Variants in EPB41L5 observed in about 807,000 individuals in gnomAD.
EPB41L5 encodes the protein erythrocyte membrane protein band 4.1 like 5, also known as band 4.1-like protein 5.
Under a neutral mutation model 106.6 loss-of-function variants are expected in EPB41L5, and 55 were observed. The observed-to-expected ratio is 0.52, with a 90% CI of 0.42 to 0.65. The LOEUF (loss-of-function observed/expected upper bound fraction) is 0.65, where lower values mean the gene tolerates loss of function less well. EPB41L5 is among the 30% of genes least tolerant of loss of function. The probability of loss-of-function intolerance (pLI) is 0.00; values close to 1 mark genes in which losing one functional copy is unlikely to be tolerated. For synonymous variants in EPB41L5, 297 were observed against 306.7 expected (o/e 0.97, Z 0.33); for missense variants, 871 against 882.1 (o/e 0.99, Z 0.16).
At chr2:120,121,640 G>A (rs1685219353) in intron 16 of EPB41L5, among the ~76,000 whole-genome samples, 1 of 152,150 alleles carries the variant, frequency 6.6e-6, no homozygotes, top group African/African-American at 2.4e-5. Flanking sequence ...TTGCTATTGC[G>A]ATTAGTGCCA....
At chr2:120,032,721 A>G (rs1458500505) in intron 2 of EPB41L5, among the ~76,000 whole-genome samples, 8 of 152,210 alleles carry the variant, frequency 5.3e-5, no homozygotes, top group East Asian at 3.8e-4. Flanking sequence ...GGTTTTGAAT[A>G]TAGAATCTTC....
chr2:120,117,540 C>T (rs1440577766), intron 16 of EPB41L5, among the ~76,000 whole-genome samples: 1 of 152,144 alleles, frequency 6.6e-6, no homozygotes, highest in Non-Finnish European at 1.5e-5. Flanking sequence ...TATGAGAGTG[C>T]TTCTACCTCT....
chr2:120,037,625 T>C (rs1558813704), intron 2 of EPB41L5, among the ~76,000 whole-genome samples: 1 of 151,612 alleles, frequency 6.6e-6, no homozygotes, highest in Non-Finnish European at 1.5e-5. Context: ...AAGACCAGGC[T>C]GAGCAACATA....
intron 3 of EPB41L5, among the ~76,000 whole-genome samples, chr2:120,044,885 A>G (rs111722820): frequency 6.6e-6 from 1 of 152,182 alleles, no homozygotes; most frequent in African/African-American, 2.4e-5. Flanking sequence ...AACACTCTAA[A>G]CTATGAGTTG....
intron 2 of EPB41L5, among the ~76,000 whole-genome samples, chr2:120,036,448 A>T (rs534934895): frequency 6.6e-6 from 1 of 152,302 alleles, no homozygotes; most frequent in South Asian, 2.1e-4. Flanking sequence ...TTCTCTTGTT[A>T]CACATAATCT....
At chr2:120,155,226 G>A (rs1686850597) in intron 20 of EPB41L5, among the ~76,000 whole-genome samples, 1 of 152,084 alleles carries the variant, frequency 6.6e-6, no homozygotes, top group Non-Finnish European at 1.5e-5. Context: ...GTTTATCTGA[G>A]AATGTCTTAA....
At chr2:120,112,845 T>C (rs542916279) in intron 16 of EPB41L5, among the ~76,000 whole-genome samples, 2 of 152,248 alleles carry the variant, frequency 1.3e-5, no homozygotes, top group Admixed American at 6.5e-5. Context: ...ATTTAATCCT[T>C]ATGAGGATCT....
intron 19 of EPB41L5, 71 bp downstream of exon 19, chr2:120,143,202 A>C (rs1281756278): frequency 2.2e-6 from 3 of 1,383,180 alleles, no homozygotes; most frequent in Non-Finnish European, 2.9e-6. Flanking sequence ...GCCTTCCCCA[A>C]CTCTAAATTC....
intron 18 of EPB41L5, among the ~76,000 whole-genome samples, chr2:120,132,634 A>C (rs1221354704): frequency 6.6e-6 from 1 of 152,164 alleles, no homozygotes; most frequent in Non-Finnish European, 1.5e-5. Flanking sequence ...AAGGTGATTC[A>C]ATTTCAGAAA....
intron 16 of EPB41L5, among the ~76,000 whole-genome samples, chr2:120,125,575 C>G (rs1336193992): frequency 2.0e-5 from 3 of 152,164 alleles, no homozygotes; most frequent in African/African-American, 7.2e-5. Context: ...TCTCCACTTT[C>G]AGAGGTTCTT....
At chr2:120,150,906 G>A (rs1210464760) in intron 20 of EPB41L5, among the ~76,000 whole-genome samples, 1 of 152,160 alleles carries the variant, frequency 6.6e-6, no homozygotes, top group Non-Finnish European at 1.5e-5. Flanking sequence ...TAGGTTGTCT[G>A]TGCTTTTAGT....
chr2:120,060,663 G>A (rs1047120615), intron 3 of EPB41L5, among the ~76,000 whole-genome samples: 2 of 152,130 alleles, frequency 1.3e-5, no homozygotes, highest in Non-Finnish European at 2.9e-5. Context: ...AGAGTTCTTC[G>A]TGATAATGGA....
Position 120,100,781 on chromosome 2 carries a change from A to G in EPB41L5, c.1304A>G (p.Gln435Arg), listed in dbSNP as rs746314468. The G allele has an allele frequency of 8.7e-6, 14 of 1,611,334 alleles. No homozygotes were observed. Among genetic ancestry groups the G allele is most frequent in the Non-Finnish European group, 1.2e-5 (14 of 1,178,394 alleles). ...PVPVEIENLP[Q>R]SPGTDQHDRK... is the part of the protein sequence containing the mutation. ...CCAGTGGAGATAGAGAATCTTCCAC[A>G]GAGTCCTGGAACAGACCAGCATGAC... The change falls in exon 16 of 25, where the codon CAG (glutamine) becomes CGG (arginine). Residue 435 changes from glutamine (Q) to arginine (R), a missense_variant. Transcript: ENST00000263713.
intron 16 of EPB41L5, among the ~76,000 whole-genome samples, chr2:120,111,905 C>T (rs1684744009): frequency 6.6e-6 from 1 of 152,134 alleles, no homozygotes; most frequent in Non-Finnish European, 1.5e-5. Flanking sequence ...TCCAAAGACT[C>T]ATCTTCTTAT....
intron 24 of EPB41L5, 27 bp downstream of exon 24, chr2:120,168,034 T>C (rs1687494178): frequency 6.2e-7 from 1 of 1,611,498 alleles, no homozygotes; most frequent in African/African-American, 1.3e-5. Context: ...TCATTTGCAG[T>C]TCTTAGGCAT....
chr2:120,040,317 A>G (rs944420877), intron 2 of EPB41L5, among the ~76,000 whole-genome samples: 13 of 152,202 alleles, frequency 8.5e-5, no homozygotes, highest in African/African-American at 2.9e-4. Flanking sequence ...AAAGTGAACA[A>G]GTAACATTAC....
At chr2:120,090,572 A>G (rs1683342553) in intron 12 of EPB41L5, 56 bp downstream of exon 12, 2 of 1,484,926 alleles carry the variant, frequency 1.3e-6, no homozygotes, top group Non-Finnish European at 1.8e-6. Flanking sequence ...CAAAAAATTT[A>G]GGCCAATCTT....
intron 14 of EPB41L5, among the ~76,000 whole-genome samples, chr2:120,096,808 G>T (rs375578100): frequency 1.3e-5 from 2 of 152,178 alleles, no homozygotes; most frequent in South Asian, 4.1e-4. Context: ...AAAAGAAAAA[G>T]AAAAATGGAG....
At chr2:120,021,200 C>T (rs761736830) in intron 2 of EPB41L5, among the ~76,000 whole-genome samples, 3 of 151,912 alleles carry the variant, frequency 2.0e-5, no homozygotes, top group Admixed American at 6.6e-5. Flanking sequence ...ATTAACCGGG[C>T]GTGGTGGCAT....
Sources: allele counts gnomAD v4.1 joint callset (sites outside exome capture counted in the v4.1 genomes callset), GRCh38; gene constraint gnomAD v4.1.1; transcripts MANE v1.5; gene names NCBI Gene and HGNC (gene_info 2026-07-23, HGNC 2026-07-21).